The following HLA-DQA1 variants were observed in gnomAD, a reference collection of about 807,000 sequenced individuals.
HLA-DQA1 encodes major histocompatibility complex, class II, DQ alpha 1.
Under a neutral mutation model 20.7 loss-of-function variants are expected in HLA-DQA1, and 10 were observed. That is an observed-to-expected ratio of 0.48 (90% CI 0.30 to 0.82). HLA-DQA1 has a LOEUF of 0.82. Among genes scored for constraint, HLA-DQA1 ranks in the 40% least tolerant of loss-of-function variants. The pLI is 0.07. For missense variants in HLA-DQA1, 127 were observed against 293.0 expected, an observed-to-expected ratio of 0.43 and a Z score of 4.14; for synonymous variants, 39 against 109.2, an observed-to-expected ratio of 0.36 and a Z score of 4.01.
the HLA-DQA1 span, among the ~76,000 whole-genome samples, chr6:32,653,871 A>T: frequency 1.1e-5 from 1 of 88,320 alleles, no homozygotes; most frequent in African/African-American, 3.9e-5. Context: ...ACATTATGTT[A>T]AGGGAAATAA....
chr6:32,646,138 A>G (rs1781895412), downstream of HLA-DQA1: 1 of 46,704 alleles, frequency 2.1e-5, no homozygotes, highest in East Asian at 6.9e-4. Flanking sequence ...CCTACTATCA[A>G]TAGGGTTACA....
rs1781533024 is a variant in HLA-DQA1, at chr6:32,642,670, T to C, written c.674T>C (p.Leu225Ser). ...LTETVVCALGLSVGLMGIVVG... is the reference protein window; with the variant it reads ...LTETVVCALGSSVGLMGIVVG... ...GAGACTGTGGTCTGTGCCCTGGGGT[T>C]GTCTGTGGGCCTCATGGGCATTGTG... is the stretch of plus-strand genomic sequence containing the variant. The change falls in exon 4 of 5, where the codon TTG becomes TCG. Residue 225 changes from leucine to serine, a missense_variant. Physicochemically the swap from Leu to Ser is moderately radical, Grantham distance 145 (BLOSUM62 -2). Coordinates refer to ENST00000343139, the MANE Select transcript of HLA-DQA1 (RefSeq NM_002122.5). The C allele has an allele frequency of 7.7e-7, 1 of 1,291,716 alleles. No individual in the cohort carries two copies. The highest frequency in any genetic ancestry group is 1.7e-5 in the African/African-American group (1 of 60,224). 80.0% of individuals were successfully genotyped at this position (1,291,716 alleles called of 1,614,324 possible). A position where few individuals can be genotyped will look rare whatever the true frequency, so the allele number is the denominator to read the frequency against.
At chr6:32,651,539 G>C (rs1380632020), downstream of HLA-DQA1, among the ~76,000 whole-genome samples, 1 of 65,596 alleles carries the variant, frequency 1.5e-5, no homozygotes, top group African/African-American at 5.3e-5. Context: ...AGCCGAGATC[G>C]AGCCACTGCA....
chr6:32,641,159 AG>A, intron 1 of HLA-DQA1, 150 bp from the exon 2 acceptor site: 1 of 531,254 alleles, frequency 1.9e-6, no homozygotes, highest in Non-Finnish European at 3.3e-6. Context: ...CAACATGAAG[AG>A]GGGAGGAAGC....
chr6:32,641,482 A>G lies in HLA-DQA1; in HGVS notation c.255A>G (p.Ala85=), dbSNP rs1016021682. The change falls in exon 2 of 5, where the codon GCA becomes GCG. Residue 85 remains alanine, a synonymous_variant. Coordinates refer to ENST00000343139, the MANE Select transcript of HLA-DQA1 (RefSeq NM_002122.5). The part of the protein sequence containing the change: ...SKFGGFDPQG[A]LRNMAVAKHN... ...TTGGAGGTTTTGACCCGCAGGGTGC[A>G]CTGAGAAACATGGCTGTGGCAAAAC... 1.0e-6 allele frequency: 1 copy of G among 1,002,234 alleles called. No homozygotes were observed. Among genetic ancestry groups the G allele is most frequent in the African/African-American group, 2.2e-5 (1 of 46,000 alleles). 62.1% of individuals were successfully genotyped at this position (1,002,234 alleles called of 1,614,324 possible).
the HLA-DQA1 span, among the ~76,000 whole-genome samples, chr6:32,652,877 G>GA: frequency 0.12 from 15,438 of 126,108 alleles, 935 homozygotes; most frequent in Middle Eastern, 0.18. Flanking sequence ...CAGGGTTTTA[G>GA]AAACTGTATT....
chr6:32,651,319 C>T (rs555816908), downstream of HLA-DQA1, among the ~76,000 whole-genome samples: 193 of 73,418 alleles, frequency 2.6e-3, 72 homozygotes, highest in East Asian at 0.074. Context: ...GCGTGGTGGC[C>T]CAAGCCTGTA....
At chr6:32,646,180 T>TGGTA (rs1781898516), downstream of HLA-DQA1, 1 of 139,234 alleles carries the variant, frequency 7.2e-6, no homozygotes. Context: ...ATCATGCAAT[T>TGGTA]CTTAAACAAT....
chr6:32,652,897 TCA>T, the HLA-DQA1 span, among the ~76,000 whole-genome samples: 81,515 of 145,658 alleles, frequency 0.56, 23,956 homozygotes, highest in Middle Eastern at 0.7. Context: ...TATTATTCAG[TCA>T]CAAAAAGTCT....
chr6:32,641,339 T>TC lies in HLA-DQA1; in HGVS notation c.112_113insC (p.Leu38SerfsTer14). On this transcript the variant is annotated frameshift_variant, in exon 2 of 5. Transcript: ENST00000343139. LOFTEE classifies it high-confidence loss of function. ...CCACGTTGCCTCTTGTGGTGTAAAC[T>TC]TGTACCAGTTTTACGGTCCCTCTGG... 8.3e-7 allele frequency: 1 copy of TC among 1,208,122 alleles called. No individual in the cohort carries two copies. Among genetic ancestry groups the TC allele is most frequent in the Admixed American group, 2.4e-5 (1 of 42,312 alleles). The allele number at this position is 1,208,122 out of a possible 1,614,324, so 74.8% of individuals were successfully genotyped here.
the HLA-DQA1 span, among the ~76,000 whole-genome samples, chr6:32,652,676 C>A: frequency 1.4e-5 from 2 of 141,294 alleles, no homozygotes; most frequent in Non-Finnish European, 3.1e-5. Context: ...AAAAAGGGTG[C>A]ATGTACCTCA....
At chr6:32,654,203 T>C in the HLA-DQA1 span, among the ~76,000 whole-genome samples, 65,349 of 90,688 alleles carry the variant, frequency 0.72, 28,810 homozygotes, top group Middle Eastern at 0.84. Flanking sequence ...ACTCCAGAGA[T>C]TGAGGTGGGA....
At chr6:32,646,776 A>G (rs936266112), downstream of HLA-DQA1, 5 of 123,638 alleles carry the variant, frequency 4.0e-5, no homozygotes, top group Non-Finnish European at 1.8e-5. Context: ...CAAATCCCAC[A>G]GTGAATGACA....
downstream of HLA-DQA1, chr6:32,646,867 A>AAGACAGACAGAGAGG: frequency 1.4e-5 from 1 of 69,908 alleles, no homozygotes; most frequent in Non-Finnish European, 3.3e-5. Context: ...CAACAATTCA[A>AAGACAGACAGAGAGG]GAGAGAGAGA....
downstream of HLA-DQA1, among the ~76,000 whole-genome samples, chr6:32,649,454 A>AACCAAAACAGCATGGTACTGGT (rs1782097272): frequency 2.1e-5 from 2 of 97,344 alleles, 1 homozygote; most frequent in Non-Finnish European, 4.6e-5. Context: ...AGGCTACAGT[A>AACCAAAACAGCATGGTACTGGT]ACCAAAACAG....
chr6:32,645,101 A>C (rs923580538), downstream of HLA-DQA1: 2 of 137,792 alleles, frequency 1.5e-5, no homozygotes, highest in African/African-American at 2.6e-5. Context: ...TCAAATCCAC[A>C]GAATATATAA....
chr6:32,647,540 G>GT (rs1782011747), downstream of HLA-DQA1, among the ~76,000 whole-genome samples: 1 of 95,978 alleles, frequency 1.0e-5, no homozygotes, highest in Non-Finnish European at 2.4e-5. Flanking sequence ...ACAATGCAAA[G>GT]TTTTTTAAAA....
chr6:32,648,735 C>A (rs553276313), downstream of HLA-DQA1, among the ~76,000 whole-genome samples: 1 of 96,918 alleles, frequency 1.0e-5, no homozygotes, highest in African/African-American at 3.5e-5. Flanking sequence ...ACAAGGATGC[C>A]CTCTCTCACC....
chr6:32,640,071 A>C, intron 1 of HLA-DQA1, among the ~76,000 whole-genome samples: 1 of 100,970 alleles, frequency 9.9e-6, no homozygotes. Flanking sequence ...AGGAAGTCCT[A>C]AAAGATAATT....
Sources: allele counts gnomAD v4.1 joint callset (sites outside exome capture counted in the v4.1 genomes callset), GRCh38; gene constraint gnomAD v4.1.1; transcripts MANE v1.5; gene names NCBI Gene and HGNC (gene_info 2026-07-23, HGNC 2026-07-21).